The following ST6GALNAC3 variants were observed in gnomAD, a reference collection of about 807,000 sequenced individuals.
ST6GALNAC3 encodes the protein ST6 N-acetylgalactosaminide alpha-2,6-sialyltransferase 3.
A neutral mutation model predicts 32.7 loss-of-function variants in ST6GALNAC3; 25 were observed. The ratio of observed to expected loss-of-function variants is 0.76; its 90% CI spans 0.56 to 1.07. ST6GALNAC3 has a LOEUF of 1.07. Ranked by LOEUF, ST6GALNAC3 falls within the 50% of genes least tolerant of loss-of-function variation. The pLI, the probability that ST6GALNAC3 is intolerant of heterozygous loss-of-function variation, is 0.00. For synonymous variants in ST6GALNAC3, 129 were observed against 133.1 expected (o/e 0.97, Z 0.21); for missense variants, 355 against 382.4 (o/e 0.93, Z 0.60).
intron 1 of ST6GALNAC3, among the ~76,000 whole-genome samples, chr1:76,255,001 C>T (rs1049465201): frequency 6.0e-5 from 9 of 150,940 alleles, no homozygotes; most frequent in Non-Finnish European, 2.9e-5. Context: ...AGCTAGCCTT[C>T]TGCGTGGTTT....
At chr1:76,523,504 T>C (rs1662680528) in intron 3 of ST6GALNAC3, among the ~76,000 whole-genome samples, 1 of 152,186 alleles carries the variant, frequency 6.6e-6, no homozygotes, top group Non-Finnish European at 1.5e-5. Flanking sequence ...GCCAGGCAGA[T>C]AGAGAGGCTA....
At chr1:76,169,915 G>A (rs1652365975) in intron 1 of ST6GALNAC3, among the ~76,000 whole-genome samples, 1 of 152,118 alleles carries the variant, frequency 6.6e-6, no homozygotes, top group Non-Finnish European at 1.5e-5. Flanking sequence ...AGGAATGAAA[G>A]CACACTGACT....
intron 1 of ST6GALNAC3, among the ~76,000 whole-genome samples, chr1:76,109,282 ATTAAGAG>A (rs1418282196): frequency 6.6e-6 from 1 of 152,118 alleles, no homozygotes; most frequent in Non-Finnish European, 1.5e-5. Context: ...CTTCCTCCCC[ATTAAGAG>A]TAATGGGAGA....
At chr1:76,303,642 C>A (rs1454233840) in intron 1 of ST6GALNAC3, among the ~76,000 whole-genome samples, 1 of 152,064 alleles carries the variant, frequency 6.6e-6, no homozygotes. Context: ...ATAGGATACT[C>A]TTTTGTTATC....
At chr1:76,348,240 T>C (rs1051980530) in intron 2 of ST6GALNAC3, among the ~76,000 whole-genome samples, 10 of 152,194 alleles carry the variant, frequency 6.6e-5, no homozygotes, top group African/African-American at 1.9e-4. Flanking sequence ...TAGTAGTGAC[T>C]GGTCTAGTCT....
chr1:76,123,490 G>T (rs1649027679), intron 1 of ST6GALNAC3, among the ~76,000 whole-genome samples: 7 of 152,020 alleles, frequency 4.6e-5, no homozygotes. Flanking sequence ...AAGCACAGCT[G>T]CCCAGAGAGG....
At chr1:76,543,870 T>C (rs977266616) in intron 3 of ST6GALNAC3, among the ~76,000 whole-genome samples, 3 of 152,078 alleles carry the variant, frequency 2.0e-5, no homozygotes, top group Non-Finnish European at 4.4e-5. Context: ...TCCTACAGAG[T>C]GGTCAACTTC....
intron 3 of ST6GALNAC3, among the ~76,000 whole-genome samples, chr1:76,594,559 A>T (rs1307040510): frequency 2.6e-5 from 4 of 152,196 alleles, no homozygotes; most frequent in African/African-American, 9.6e-5. Context: ...CTAAAGGAAA[A>T]CTAAATAACA....
At chr1:76,309,911 A>G (rs1197104685) in intron 1 of ST6GALNAC3, 4 of 461,746 alleles carry the variant, frequency 8.7e-6, no homozygotes, top group Non-Finnish European at 1.7e-5. Context: ...GCAGGCTTTT[A>G]CAACTGCTAT....
intron 2 of ST6GALNAC3, among the ~76,000 whole-genome samples, chr1:76,317,648 T>C (rs982289345): frequency 1.3e-5 from 2 of 152,156 alleles, no homozygotes; most frequent in Non-Finnish European, 1.5e-5. Context: ...TTTTTAAATA[T>C]GCAGGCATGC....
intron 3 of ST6GALNAC3, among the ~76,000 whole-genome samples, chr1:76,518,952 G>A (rs1308524706): frequency 6.6e-6 from 1 of 152,064 alleles, no homozygotes; most frequent in Non-Finnish European, 1.5e-5. Flanking sequence ...CTATAGCCTA[G>A]CTACTCAGGA....
chr1:76,184,729 G>T (rs1239492689), intron 1 of ST6GALNAC3, among the ~76,000 whole-genome samples: 1 of 152,152 alleles, frequency 6.6e-6, no homozygotes, highest in East Asian at 1.9e-4. Flanking sequence ...TTAAATCGGG[G>T]CTCACTCTAC....
intron 3 of ST6GALNAC3, among the ~76,000 whole-genome samples, chr1:76,517,306 T>C (rs560781593): frequency 6.6e-6 from 1 of 152,006 alleles, no homozygotes; most frequent in Admixed American, 6.5e-5. Flanking sequence ...ACATTTTTGG[T>C]ACCTCTATGT....
intron 3 of ST6GALNAC3, 97 bp downstream of exon 3, chr1:76,412,514 A>G (rs79657041): frequency 0.037 from 45,423 of 1,241,346 alleles, 965 homozygotes; most frequent in Non-Finnish European, 0.041. Context: ...ACAGTTATTT[A>G]TTTACGCTGA....
chr1:76,177,584 C>A (rs534165641), intron 1 of ST6GALNAC3, among the ~76,000 whole-genome samples: 2 of 152,224 alleles, frequency 1.3e-5, no homozygotes, highest in African/African-American at 4.8e-5. Flanking sequence ...TCTTCCCATC[C>A]GTGCCTTCCC....
rs188000481 is a variant in ST6GALNAC3 at position 76,323,814 on chromosome 1, A to G, written c.213+9815A>G. 2.7e-3 allele frequency among the ~76,000 whole-genome samples: 407 copies of G among 152,242 alleles called. 1 individual carries two copies. Among genetic ancestry groups the G allele is most frequent in the Non-Finnish European group, 3.6e-3 (243 of 68,012 alleles). On this transcript the variant is annotated intron_variant, in intron 2 of 4. Coordinates refer to ENST00000328299, the MANE Select transcript of ST6GALNAC3 (RefSeq NM_152996.4). The stretch of plus-strand genomic sequence containing the variant: ...GTAAATTTTAGAATTTTTTTAAAAA[A>G]CATGTTTTCCAAATTTTCTACAATG...
intron 3 of ST6GALNAC3, among the ~76,000 whole-genome samples, chr1:76,595,409 A>G (rs1647119604): frequency 1.3e-5 from 2 of 152,076 alleles, no homozygotes; most frequent in South Asian, 4.1e-4. Flanking sequence ...TTCTCCCCCA[A>G]AGCTATGCAG....
At chr1:76,422,844 T>C (rs900100095) in intron 3 of ST6GALNAC3, among the ~76,000 whole-genome samples, 1 of 152,048 alleles carries the variant, frequency 6.6e-6, no homozygotes, top group Non-Finnish European at 1.5e-5. Flanking sequence ...TTTGTTATGA[T>C]ATTTTTCACG....
chr1:76,304,267 T>C (rs1246217695), intron 1 of ST6GALNAC3, among the ~76,000 whole-genome samples: 1 of 152,042 alleles, frequency 6.6e-6, no homozygotes, highest in Admixed American at 6.6e-5. Flanking sequence ...CAGATTTTGT[T>C]CATGTCCTGA....
Sources: allele counts gnomAD v4.1 joint callset (sites outside exome capture counted in the v4.1 genomes callset), GRCh38; gene constraint gnomAD v4.1.1; transcripts MANE v1.5; gene names NCBI Gene and HGNC (gene_info 2026-07-23, HGNC 2026-07-21).